Variants in PDE1A observed in about 807,000 individuals in gnomAD.
PDE1A encodes dual specificity calcium/calmodulin-dependent 3',5'-cyclic nucleotide phosphodiesterase 1A.
PDE1A carries 35 observed loss-of-function variants against 61.7 expected under a neutral mutation model. The observed-to-expected ratio is 0.57, with a 90% CI of 0.43 to 0.75. PDE1A has a LOEUF of 0.75. PDE1A is among the 30% of genes least tolerant of loss of function. The pLI is 0.00. For missense variants in PDE1A, 597 were observed against 630.6 expected, an observed-to-expected ratio of 0.95 and a Z score of 0.57; for synonymous variants, 232 against 213.2, an observed-to-expected ratio of 1.09 and a Z score of -0.77.
At chr2:182,323,275 G>A (rs989352314) in intron 1 of PDE1A, among the ~76,000 whole-genome samples, 18 of 152,030 alleles carry the variant, frequency 1.2e-4, no homozygotes, top group African/African-American at 4.1e-4. Flanking sequence ...AATGCTGTTC[G>A]ATATATTTTG....
At chr2:182,258,795 C>T (rs1306796642) in intron 2 of PDE1A, among the ~76,000 whole-genome samples, 1 of 152,176 alleles carries the variant, frequency 6.6e-6, no homozygotes, top group Non-Finnish European at 1.5e-5. Flanking sequence ...CCCATTCTTA[C>T]CCCATGTTAC....
intron 10 of PDE1A, among the ~76,000 whole-genome samples, chr2:182,189,295 CTT>C (rs1234970840): frequency 6.6e-6 from 1 of 152,202 alleles, no homozygotes; most frequent in Non-Finnish European, 1.5e-5. Flanking sequence ...TACCTGGAGA[CTT>C]TGCTTTGGCA....
intron 1 of PDE1A, among the ~76,000 whole-genome samples, chr2:182,288,328 C>T (rs1285846173): frequency 1.3e-5 from 2 of 152,050 alleles, no homozygotes; most frequent in Non-Finnish European, 2.9e-5. Context: ...AGGTAATCGC[C>T]GTACACAGTG....
intron 2 of PDE1A, among the ~76,000 whole-genome samples, chr2:182,497,910 G>C (rs1688813709): frequency 1.3e-5 from 2 of 152,010 alleles, no homozygotes. Context: ...GCCGGGCGTG[G>C]TGGCAGGCAC....
the PDE1A span, among the ~76,000 whole-genome samples, chr2:182,702,801 G>T: frequency 6.6e-6 from 1 of 152,030 alleles, no homozygotes; most frequent in Non-Finnish European, 1.5e-5. Context: ...GGCTAGTGTT[G>T]CTCCTCCTCT....
At chr2:182,480,584 T>G (rs150509036) in intron 2 of PDE1A, among the ~76,000 whole-genome samples, 18 of 152,102 alleles carry the variant, frequency 1.2e-4, no homozygotes, top group African/African-American at 4.3e-4. Context: ...CTACACTTAA[T>G]CCATGCAAAT....
intron 1 of PDE1A, among the ~76,000 whole-genome samples, chr2:182,296,993 AC>A (rs1694929431): frequency 6.6e-6 from 1 of 152,294 alleles, no homozygotes; most frequent in East Asian, 1.9e-4. Context: ...TCAGACCTGG[AC>A]TGGAATTACA....
At chr2:182,651,774 T>C in the PDE1A span, among the ~76,000 whole-genome samples, 1 of 152,180 alleles carries the variant, frequency 6.6e-6, no homozygotes, top group Non-Finnish European at 1.5e-5. Context: ...TAACATACAC[T>C]GATTAAAATA....
chr2:182,577,168 T>C, the PDE1A span, among the ~76,000 whole-genome samples: 2 of 152,190 alleles, frequency 1.3e-5, no homozygotes, highest in African/African-American at 2.4e-5. Context: ...CCCAATTTTA[T>C]ACAGAAAGAA....
the PDE1A span, among the ~76,000 whole-genome samples, chr2:182,573,244 T>C: frequency 6.6e-6 from 1 of 152,148 alleles, no homozygotes; most frequent in African/African-American, 2.4e-5. Flanking sequence ...CCTGCTTTCA[T>C]GTAACTGTTG....
At chr2:182,693,288 C>A in the PDE1A span, among the ~76,000 whole-genome samples, 2 of 152,152 alleles carry the variant, frequency 1.3e-5, no homozygotes, top group Non-Finnish European at 2.9e-5. Flanking sequence ...ACCCAATTCT[C>A]CCCATCCCAT....
At chr2:182,394,054 G>A (rs1701566125) in intron 1 of PDE1A, among the ~76,000 whole-genome samples, 1 of 152,112 alleles carries the variant, frequency 6.6e-6, no homozygotes, top group Non-Finnish European at 1.5e-5. Flanking sequence ...ACCTCTGCCT[G>A]TTACCCAGTT....
chr2:182,332,936 G>A (rs760975545), intron 1 of PDE1A, among the ~76,000 whole-genome samples: 3 of 152,194 alleles, frequency 2.0e-5, no homozygotes, highest in Non-Finnish European at 4.4e-5. Context: ...CAATCCTAGT[G>A]TCTGATAAAC....
At position 182,418,752 on chromosome 2, in the gene PDE1A, G is replaced by A. The variant is rs144276453; in HGVS notation, c.53+7826C>T. Among the ~76,000 whole-genome samples the A allele has an allele frequency of 4.8e-3, 726 of 152,148 alleles. 5 individuals carry two copies. Among genetic ancestry groups the A allele is most frequent in the African/African-American group, 0.017 (697 of 41,538 alleles). The stretch of plus-strand genomic sequence containing the variant: ...GTGGCTTTTTTATTGTTTTTTAAAT[G>A]GGACAGTAACAACTTAACTCAATCA... On this transcript the variant is annotated intron_variant, in intron 1 of 13. Transcript: ENST00000351439.
chr2:182,323,040 C>A (rs1017547950), intron 1 of PDE1A, among the ~76,000 whole-genome samples: 3 of 152,068 alleles, frequency 2.0e-5, no homozygotes, highest in African/African-American at 7.2e-5. Flanking sequence ...TATTCTACAT[C>A]TTGTAAGACT....
chr2:182,346,414 A>T, intron 1 of PDE1A, among the ~76,000 whole-genome samples: 1 of 152,198 alleles, frequency 6.6e-6, no homozygotes, highest in East Asian at 1.9e-4. Flanking sequence ...TGGATACCAG[A>T]TCAGGGAGGG....
chr2:182,232,192 C>T (rs902044974), intron 4 of PDE1A, among the ~76,000 whole-genome samples: 5 of 152,020 alleles, frequency 3.3e-5, no homozygotes, highest in African/African-American at 1.2e-4. Flanking sequence ...TACCCCCTAA[C>T]AGAGAGAGAG....
intron 1 of PDE1A, among the ~76,000 whole-genome samples, chr2:182,317,252 CTTT>C (rs34087191): frequency 1.4e-5 from 2 of 142,688 alleles, no homozygotes; most frequent in African/African-American, 2.6e-5. Flanking sequence ...TTCTCACAAA[CTTT>C]TTTTTTTTTT....
At chr2:182,232,866 G>C (rs1441323534) in intron 4 of PDE1A, among the ~76,000 whole-genome samples, 6 of 152,146 alleles carry the variant, frequency 3.9e-5, no homozygotes, top group Non-Finnish European at 8.8e-5. Flanking sequence ...TATTTCTTGA[G>C]AATTTTTTAT....
Sources: allele counts gnomAD v4.1 joint callset (sites outside exome capture counted in the v4.1 genomes callset), GRCh38; gene constraint gnomAD v4.1.1; transcripts MANE v1.5; gene names NCBI Gene and HGNC (gene_info 2026-07-23, HGNC 2026-07-21).